Variants in KATNB1 observed in about 807,000 individuals in gnomAD.
The protein encoded by KATNB1 is katanin p80 WD40 repeat-containing subunit B1.
KATNB1 carries 38 observed loss-of-function variants against 82.3 expected under a neutral mutation model. That is an observed-to-expected ratio of 0.46 (90% confidence interval 0.36 to 0.61). The LOEUF (loss-of-function observed/expected upper bound fraction) is 0.61. KATNB1 is among the 20% of genes least tolerant of loss of function. The pLI, the probability that KATNB1 is intolerant of heterozygous loss-of-function variation, is 0.00. For missense variants in KATNB1, 749 were observed against 915.7 expected, an observed-to-expected ratio of 0.82 and a Z score of 2.35; for synonymous variants, 361 against 368.7, an observed-to-expected ratio of 0.98 and a Z score of 0.24.
intron 1 of KATNB1, chr16:57,736,257 A>G (rs2049098659): frequency 6.6e-6 from 1 of 151,922 alleles, no homozygotes; most frequent in Admixed American, 6.6e-5. Context: ...TAAGTGGGAG[A>G]CTCAGGGGGC....
intron 4 of KATNB1, among the ~76,000 whole-genome samples, chr16:57,747,589 C>A (rs1224960769): frequency 6.6e-6 from 1 of 152,228 alleles, no homozygotes; most frequent in Non-Finnish European, 1.5e-5. Context: ...GGCACGTGAT[C>A]GCACTGCCTG....
At position 57,755,616 on chromosome 16, in the gene KATNB1, C is replaced by G. The variant is rs2049270061; in HGVS notation, c.1566+122C>G. Reference sequence around the variant, plus strand: ...GGGGACAGTGTGGGATAGGCCATCCCTGACGTCACACCATCTGTTTCCGCC... The same window carrying G: ...GGGGACAGTGTGGGATAGGCCATCCGTGACGTCACACCATCTGTTTCCGCC... On this transcript the variant is annotated intron_variant, in intron 16 of 19. Transcript: ENST00000379661. The G allele has an allele frequency of 3.9e-6, 5 of 1,288,194 alleles. No individual in the cohort carries two copies. In the African/African-American group the frequency reaches 4.4e-5, roughly 11 times the overall value. 79.8% of individuals were successfully genotyped at this position (1,288,194 alleles called of 1,614,324 possible).
intron 2 of KATNB1, 134 bp from the exon 3 acceptor site, chr16:57,741,553 A>C (rs2049141987): frequency 1.1e-6 from 1 of 912,898 alleles, no homozygotes; most frequent in Admixed American, 2.3e-5. Context: ...GTGGACACCA[A>C]AGGGGGAGCT....
chr16:57,750,539 T>C (rs1455170576), intron 4 of KATNB1, among the ~76,000 whole-genome samples: 1 of 152,022 alleles, frequency 6.6e-6, no homozygotes, highest in Non-Finnish European at 1.5e-5. Flanking sequence ...GGCAGGAGAA[T>C]TGCTTGAACC....
At chr16:57,748,263 C>T (rs1268112737) in intron 4 of KATNB1, among the ~76,000 whole-genome samples, 1 of 152,114 alleles carries the variant, frequency 6.6e-6, no homozygotes, top group Admixed American at 6.5e-5. Context: ...CCCCTCCACA[C>T]CCCCTCGCCA....
In KATNB1 at chr16:57,755,148, T is replaced by TG; in HGVS notation, c.1327dup (p.Ala443GlyfsTer9). 6.2e-7 allele frequency: 1 copy of TG among 1,612,720 alleles called. No individual in the cohort carries two copies. The highest frequency in any genetic ancestry group is 8.5e-7 in the Non-Finnish European group (1 of 1,179,870). On this transcript the variant is annotated frameshift_variant, in exon 15 of 20. Coordinates refer to ENST00000379661, the MANE Select transcript of KATNB1 (RefSeq NM_005886.3). LOFTEE classifies it high-confidence loss of function. ...AGGTCCTGCCCCGGCCCCCAGTGGT[T>TG]GCTTCCACACCTGCACCCAAGGCTG...
At position 57,751,275 on chromosome 16, in the gene KATNB1, G is replaced by A; in HGVS notation, c.405G>A (p.Arg135=). 3.1e-6 allele frequency: 5 copies of A among 1,614,028 alleles called. No homozygotes were observed. The highest frequency in any genetic ancestry group is 4.2e-6 in the Non-Finnish European group (5 of 1,179,944). The change falls in exon 6 of 20, where the codon AGG becomes AGA. Residue 135 remains arginine, a synonymous_variant. Coordinates refer to ENST00000379661, the MANE Select transcript of KATNB1 (RefSeq NM_005886.3). The surrounding 1 kb of genome is among the most constrained non-coding windows in gnomAD (Gnocchi z 6.3). ...QDTNIKLWDI[R]RKGCVFRYRG... is the part of the protein sequence containing the mutation. Reference sequence around the variant, plus strand: ...CTCCCCCACAGCTCTGGGACATCAGGAGGAAAGGCTGTGTCTTCCGATACA... The same window carrying A: ...CTCCCCCACAGCTCTGGGACATCAGAAGGAAAGGCTGTGTCTTCCGATACA...
chr16:57,751,902 G>A lies in KATNB1; in HGVS notation c.517-38G>A, dbSNP rs1211369728. On this transcript the variant is annotated intron_variant, in intron 7 of 19. Transcript: ENST00000379661. This position sits in a 1 kb window ranked among gnomAD's most constrained non-coding sequence, Gnocchi z 6.3. The stretch of plus-strand genomic sequence containing the variant: ...TAGAGGGAGGGTGGGCAGCCAAGAT[G>A]CCTGGTCACCCTGACCTCCTCCCTG... 1.3e-6 allele frequency: 2 copies of A among 1,540,672 alleles called. No homozygotes were observed. Among genetic ancestry groups the A allele is most frequent in the Non-Finnish European group, 1.8e-6 (2 of 1,116,166 alleles).
At chr16:57,742,231 C>T (rs1353960827) in intron 3 of KATNB1, among the ~76,000 whole-genome samples, 3 of 152,372 alleles carry the variant, frequency 2.0e-5, no homozygotes, top group Middle Eastern at 3.4e-3. Context: ...TAATTCATTC[C>T]CAGCCTTCAT....
rs781851855 is a variant in KATNB1, at chr16:57,753,432, G to A, written c.1090G>A (p.Glu364Lys). 6.2e-7 allele frequency: 1 copy of A among 1,613,046 alleles called. No individual in the cohort carries two copies. Among genetic ancestry groups the A allele is most frequent in the Non-Finnish European group, 8.5e-7 (1 of 1,179,884 alleles). Residue 364 changes from glutamate (E) to lysine (K), a missense_variant, in exon 12 of 20, where the codon GAG becomes AAG. Physicochemically the swap from Glu to Lys is moderately conservative, Grantham distance 56. Transcript: ENST00000379661. ...GAGCGAGCGCCGCAGCCCCAGCAGCGAGGATGACCGGGACGAGCGCGAGTC... is the reference window on the plus strand; with the variant it reads ...GAGCGAGCGCCGCAGCCCCAGCAGCAAGGATGACCGGGACGAGCGCGAGTC... ...SESERRSPSS[E>K]DDRDERESRA...
At chr16:57,739,682 G>A (rs1486058449) in intron 2 of KATNB1, among the ~76,000 whole-genome samples, 2 of 152,132 alleles carry the variant, frequency 1.3e-5, no homozygotes, top group Non-Finnish European at 2.9e-5. Flanking sequence ...TCAGTCCCTG[G>A]TCAGGCTGCT....
In KATNB1 at chr16:57,742,888, C is replaced by T. The variant is rs567987858; in HGVS notation, c.171+1071C>T. On this transcript the variant is annotated intron_variant, in intron 3 of 19. Transcript: ENST00000379661. ...GATTGCCAAATTGCCCCCCAGAAATCATTTTACATTCTCACCAGCAGCATC... is the reference window on the plus strand; with the variant it reads ...GATTGCCAAATTGCCCCCCAGAAATTATTTTACATTCTCACCAGCAGCATC... Among the ~76,000 whole-genome samples, 6 of 152,368 alleles carry T rather than the reference C, an allele frequency of 3.9e-5. 1 individual carries two copies. In the South Asian group the frequency reaches 1.2e-3, roughly 32 times the overall value.
Position 57,751,752 on chromosome 16 carries a change from G to A in KATNB1, c.516+28G>A. On this transcript the variant is annotated intron_variant, in intron 7 of 19. Transcript: ENST00000379661. The surrounding 1 kb of genome is among the most constrained non-coding windows in gnomAD (Gnocchi z 6.3). ...AGCTCCCGGCCTGACCTGGGCCCAG[G>A]GGCTGGGGGCTGGGGTCTGCTGATC... 6.3e-7 allele frequency: 1 copy of A among 1,595,306 alleles called. No individual in the cohort carries two copies.
chr16:57,744,103 A>T (rs1408279508), intron 3 of KATNB1, among the ~76,000 whole-genome samples: 2 of 152,206 alleles, frequency 1.3e-5, no homozygotes, highest in Admixed American at 6.5e-5. Context: ...CTCCCCTCCA[A>T]GGGGCCCAGG....
intron 1 of KATNB1, 184 bp from the exon 2 acceptor site, chr16:57,736,793 AC>A: frequency 2.9e-6 from 1 of 348,870 alleles, no homozygotes; most frequent in South Asian, 2.3e-5. Context: ...CTTTTTCCTT[AC>A]GTTCCAAATC....
At chr16:57,752,363 C>T (rs781915206) in intron 8 of KATNB1, 167 bp from the exon 9 acceptor site, 25 of 689,644 alleles carry the variant, frequency 3.6e-5, no homozygotes, top group Non-Finnish European at 5.2e-5. Context: ...CCAGGGCCAT[C>T]GGGCCGAGCC....
At position 57,755,918 on chromosome 16, in the gene KATNB1, G is replaced by GT. The variant is rs1215380079; in HGVS notation, c.1643+2dup. The GT allele has an allele frequency of 3.7e-6, 6 of 1,603,094 alleles. No individual in the cohort carries two copies. Among genetic ancestry groups the GT allele is most frequent in the Non-Finnish European group, 3.4e-6 (4 of 1,171,956 alleles). On this transcript the variant is annotated splice_donor_variant, in intron 17 of 19. Transcript: ENST00000379661. LOFTEE classifies it high-confidence loss of function. ...TCCTGAACATCGTCAACCAGAAAGC[G>GT]TAAGTGGCTGCAGAGGGGGAGTGGG... is the stretch of plus-strand genomic sequence containing the variant.
At chr16:57,740,625 A>T (rs1555579129) in intron 2 of KATNB1, among the ~76,000 whole-genome samples, 2 of 152,064 alleles carry the variant, frequency 1.3e-5, no homozygotes, top group Non-Finnish European at 2.9e-5. Context: ...TCTTTCCAGG[A>T]GGAGCTCATG....
At position 57,757,080 on chromosome 16, in the gene KATNB1, G is replaced by A. The variant is rs1362460113; in HGVS notation, c.*134G>A. On this transcript the variant is annotated 3_prime_UTR_variant, in exon 20 of 20. Transcript: ENST00000379661. The stretch of plus-strand genomic sequence containing the variant: ...CTGTCCTGTGGCCGTCCTGGAGGAG[G>A]TGATGCTGGTCCCTGGCCACCTCTA... The A allele has an allele frequency of 2.9e-6, 3 of 1,020,826 alleles. No homozygotes were observed. Among genetic ancestry groups the A allele is most frequent in the Non-Finnish European group, 4.0e-6 (3 of 758,610 alleles). The allele number at this position is 1,020,826 out of a possible 1,614,324, so 63.2% of individuals were successfully genotyped here.
Sources: allele counts gnomAD v4.1 joint callset (sites outside exome capture counted in the v4.1 genomes callset), GRCh38; gene constraint gnomAD v4.1.1; non-coding constraint Gnocchi (gnomAD v3.1); transcripts MANE v1.5; gene names NCBI Gene and HGNC (gene_info 2026-07-23, HGNC 2026-07-21).